The following ADARB2 variants were observed in gnomAD, a reference collection of about 807,000 sequenced individuals.
The protein encoded by ADARB2 is inactive double-stranded RNA-specific editase B2.
Under a neutral mutation model 62.2 loss-of-function variants are expected in ADARB2, and 25 were observed. The observed-to-expected ratio is 0.40, with a 90% confidence interval of 0.29 to 0.56. The LOEUF is 0.56. Among genes scored for constraint, ADARB2 ranks in the 20% least tolerant of loss-of-function variants. The probability of loss-of-function intolerance (pLI) is 0.43; values close to 1 mark genes in which losing one functional copy is unlikely to be tolerated. For missense variants in ADARB2, 1,071 were observed against 1,077.4 expected, an observed-to-expected ratio of 0.99 and a Z score of 0.08; for synonymous variants, 572 against 500.8, an observed-to-expected ratio of 1.14 and a Z score of -1.90.
In ADARB2 at chr10:1,265,678, AG is replaced by A. The variant is rs1156980579; in HGVS notation, c.1192+5276del. On this transcript the variant is annotated intron_variant, in intron 4 of 9. Transcript: ENST00000381312. ...ACGCTCTCCCGGAAGACGGCCTGAGAGGGGGGCCCAGGCTCTCCCGGAAGAC... is the reference window on the plus strand; with the variant it reads ...ACGCTCTCCCGGAAGACGGCCTGAGAGGGGGCCCAGGCTCTCCCGGAAGAC... 1.4e-4 allele frequency among the ~76,000 whole-genome samples: 10 copies of A among 69,124 alleles called. 1 individual carries two copies. The highest frequency in any genetic ancestry group is 7.3e-4 in the African/African-American group (10 of 13,694). The allele number at this position is 69,124 out of a possible 152,430, so 45.3% of individuals were successfully genotyped here. A position where few individuals can be genotyped will look rare whatever the true frequency, so the allele number is the denominator to read the frequency against.
intron 3 of ADARB2, among the ~76,000 whole-genome samples, chr10:1,348,833 C>G (rs1832106571): frequency 1.3e-5 from 2 of 152,204 alleles, no homozygotes; most frequent in African/African-American, 4.8e-5. Context: ...CTCAGTGAGC[C>G]CAGCACCCAT....
rs1836627037 is a variant in ADARB2, at chr10:1,179,013, C to T, written c.*4180G>A. 1 of 152,186 alleles carries T rather than the reference C, an allele frequency of 6.6e-6. No individual in the cohort carries two copies. The allele number at this position is 152,186 out of a possible 1,614,324, so 9.4% of individuals were successfully genotyped here. ...ATTAGAATGGCTTCTTAAAAAAGGG[C>T]ATATAAGTTTCCCTAAATTAAAAAT... On this transcript the variant is annotated 3_prime_UTR_variant, in exon 10 of 10. Transcript: ENST00000381312.
chr10:1,376,702 A>G (rs1448970624), intron 2 of ADARB2, among the ~76,000 whole-genome samples: 4 of 152,114 alleles, frequency 2.6e-5, no homozygotes, highest in Non-Finnish European at 5.9e-5. Context: ...TCCGCACCCC[A>G]AATGTCCTCT....
chr10:1,363,106 C>T lies in ADARB2; in HGVS notation c.999G>A (p.Gln333=), dbSNP rs558158478. 9.8e-6 allele frequency: 15 copies of T among 1,530,412 alleles called. No homozygotes were observed. In the East Asian group the frequency reaches 3.7e-4, roughly 38 times the overall value. 94.8% of individuals were successfully genotyped at this position (1,530,412 alleles called of 1,614,324 possible). ...TGTCGAACAGCTCCTGCAGTGCGGC[C>T]TGCGCGGCCTGACCCCGGGCCAGCT... ...SKKLARGQAA[Q]AALQELFDIQ... Residue 333 remains glutamine, a synonymous_variant, in exon 3 of 10, where the codon CAG becomes CAA. Transcript: ENST00000381312.
intron 1 of ADARB2, among the ~76,000 whole-genome samples, chr10:1,381,281 G>A (rs1184400518): frequency 1.3e-5 from 2 of 152,230 alleles, no homozygotes; most frequent in Non-Finnish European, 2.9e-5. Context: ...CAAGGAAGAT[G>A]TACTAATGTC....
chr10:1,233,869 G>A lies in ADARB2; in HGVS notation c.1362-24C>T, dbSNP rs367607307. 8 of 1,606,314 alleles carry A rather than the reference G, an allele frequency of 5.0e-6. No homozygotes were observed. The African/African-American group carries it at 9.4e-5, about 19-fold the overall frequency. ...TGCTAGGGTCACAAAGAGGTTTGGGGTCATTTATCACAAACCAAACCAGAA... is the reference window on the plus strand; with the variant it reads ...TGCTAGGGTCACAAAGAGGTTTGGGATCATTTATCACAAACCAAACCAGAA... On this transcript the variant is annotated intron_variant, in intron 5 of 9. Coordinates refer to ENST00000381312, the MANE Select transcript of ADARB2 (RefSeq NM_018702.4).
rs112742943 is a variant in ADARB2 at position 1,316,466 on chromosome 10, T to C, written c.1078-45397A>G. Among the ~76,000 whole-genome samples the C allele has an allele frequency of 1.8e-4, 27 of 152,378 alleles. 1 individual carries two copies. The highest frequency in any genetic ancestry group is 5.3e-4 in the African/African-American group (22 of 41,592). ...TGATGGCAGTGTCGGCCACGGTGCATGCCCTGTGCTGGCCTCATTATTTTC... is the reference window on the plus strand; with the variant it reads ...TGATGGCAGTGTCGGCCACGGTGCACGCCCTGTGCTGGCCTCATTATTTTC... On this transcript the variant is annotated intron_variant, in intron 3 of 9. Coordinates refer to ENST00000381312, the MANE Select transcript of ADARB2 (RefSeq NM_018702.4).
chr10:1,279,113 C>A (rs567529843), intron 3 of ADARB2, among the ~76,000 whole-genome samples: 4 of 152,184 alleles, frequency 2.6e-5, no homozygotes, highest in African/African-American at 9.7e-5. Context: ...ATAGACTAGG[C>A]AGCTTAAGCA....
At chr10:1,690,901 G>C (rs549806340) in intron 1 of ADARB2, among the ~76,000 whole-genome samples, 2 of 152,226 alleles carry the variant, frequency 1.3e-5, no homozygotes, top group South Asian at 4.2e-4. Context: ...ATCAAAACGC[G>C]CATCTATCCC....
intron 4 of ADARB2, among the ~76,000 whole-genome samples, chr10:1,269,792 T>C (rs980909732): frequency 5.9e-5 from 9 of 152,230 alleles, no homozygotes; most frequent in Admixed American, 2.0e-4. Flanking sequence ...GATGGCTGCA[T>C]GCTGGAGGAT....
chr10:1,423,282 T>C (rs1011880031), intron 1 of ADARB2, among the ~76,000 whole-genome samples: 1 of 152,198 alleles, frequency 6.6e-6, no homozygotes, highest in African/African-American at 2.4e-5. Flanking sequence ...TCACTGTCCT[T>C]CTTTTCCCCT....
intron 1 of ADARB2, among the ~76,000 whole-genome samples, chr10:1,635,996 G>A (rs866242915): frequency 3.9e-5 from 6 of 152,242 alleles, no homozygotes; most frequent in African/African-American, 9.6e-5. Context: ...AAACCCAGCC[G>A]TGACGAAGTC....
At chr10:1,481,699 A>G (rs1331047789) in intron 1 of ADARB2, among the ~76,000 whole-genome samples, 3 of 152,058 alleles carry the variant, frequency 2.0e-5, no homozygotes, top group Non-Finnish European at 2.9e-5. Context: ...TCTACTAAAA[A>G]TACAAAAATT....
intron 1 of ADARB2, among the ~76,000 whole-genome samples, chr10:1,667,803 C>T (rs1834332708): frequency 1.3e-5 from 2 of 152,132 alleles, no homozygotes; most frequent in Admixed American, 1.3e-4. Flanking sequence ...TTCTGATTTC[C>T]ATTTGTATTA....
At position 1,657,390 on chromosome 10, in the gene ADARB2, T is replaced by TTTTTATG. The variant is rs1554778948; in HGVS notation, c.100+79660_100+79661insCATAAAA. 2.6e-5 allele frequency among the ~76,000 whole-genome samples: 4 copies of TTTTTATG among 151,922 alleles called. No individual in the cohort carries two copies. The East Asian group carries it at 7.7e-4, about 29-fold the overall frequency. On this transcript the variant is annotated intron_variant, in intron 1 of 9. Transcript: ENST00000381312. ...ACTCAAGGAATTTGATAAATCATAT[T>TTTTTATG]TTTTTATGTTTAAAATTCCTTCTTT... is the stretch of plus-strand genomic sequence containing the variant.
chr10:1,717,790 C>T (rs1193925900), intron 1 of ADARB2, among the ~76,000 whole-genome samples: 1 of 152,036 alleles, frequency 6.6e-6, no homozygotes, highest in Non-Finnish European at 1.5e-5. Context: ...GTAGGCTAGG[C>T]TGGTCTTGAA....
intron 3 of ADARB2, among the ~76,000 whole-genome samples, chr10:1,329,328 G>T (rs1041399694): frequency 1.3e-5 from 2 of 152,200 alleles, no homozygotes; most frequent in Admixed American, 1.3e-4. Context: ...TGTTAAATTT[G>T]TTCCAGTGAT....
intron 3 of ADARB2, among the ~76,000 whole-genome samples, chr10:1,316,230 C>T (rs981215285): frequency 6.6e-6 from 1 of 152,254 alleles, no homozygotes; most frequent in Non-Finnish European, 1.5e-5. Flanking sequence ...AGTCAGCTCC[C>T]ACATCCCTGT....
At chr10:1,676,172 G>A (rs376376434) in intron 1 of ADARB2, 5 of 410,148 alleles carry the variant, frequency 1.2e-5, no homozygotes, top group African/African-American at 2.2e-5. Context: ...TGAGTTAATC[G>A]GTAGTTGGGA....
Sources: gnomAD v4.1 joint callset for allele counts (sites outside exome capture counted in the v4.1 genomes callset) on GRCh38, gnomAD v4.1.1 for gene constraint, MANE v1.5 for transcripts, NCBI Gene and HGNC (gene_info 2026-07-23, HGNC 2026-07-21) for gene names.